The following TRIP12 variants were observed in gnomAD, a reference collection of about 807,000 sequenced individuals.
TRIP12 encodes thyroid hormone receptor interactor 12, also known as E3 ubiquitin-protein ligase TRIP12.
In TRIP12, 25 loss-of-function variants were observed where a neutral mutation model predicts 244.2. That is an observed-to-expected ratio of 0.10 (90% confidence interval 0.07 to 0.14). The LOEUF is 0.14. Ranked by LOEUF, TRIP12 falls within the 10% of genes least tolerant of loss-of-function variation. The pLI is 1.00. For synonymous variants in TRIP12, 905 were observed against 873.1 expected (o/e 1.04, Z -0.64); for missense variants, 1,677 against 2,486.4 (o/e 0.67, Z 6.92).
At chr2:229,887,191 G>A (rs2066208068) in intron 1 of TRIP12, among the ~76,000 whole-genome samples, 1 of 152,176 alleles carries the variant, frequency 6.6e-6, no homozygotes, top group Non-Finnish European at 1.5e-5. Context: ...AGCTTAGCTG[G>A]CCAATCATTA....
At chr2:229,828,899 T>G (rs1394622745) in intron 8 of TRIP12, among the ~76,000 whole-genome samples, 1 of 152,230 alleles carries the variant, frequency 6.6e-6, no homozygotes, top group Non-Finnish European at 1.5e-5. Flanking sequence ...TACATCATTA[T>G]GACAAACTCA....
intron 1 of TRIP12, among the ~76,000 whole-genome samples, chr2:229,896,968 C>T (rs1465784485): frequency 1.3e-5 from 2 of 152,162 alleles, no homozygotes; most frequent in Admixed American, 1.3e-4. Flanking sequence ...AAACTAGGGA[C>T]TCTGGGTAAT....
chr2:229,885,765 A>C (rs747219469), intron 1 of TRIP12, among the ~76,000 whole-genome samples: 6 of 152,142 alleles, frequency 3.9e-5, no homozygotes, highest in Non-Finnish European at 8.8e-5. Context: ...GTGCCGAGAA[A>C]CAATGACAAG....
rs996110434 is a variant in TRIP12, at chr2:229,764,565, A to C, written c.*2989T>G. 1 of 152,230 alleles carries C rather than the reference A, an allele frequency of 6.6e-6. No homozygotes were observed. The highest frequency in any genetic ancestry group is 2.4e-5 in the African/African-American group (1 of 41,464). The allele number at this position is 152,230 out of a possible 1,614,324, so 9.4% of individuals were successfully genotyped here. A position where few individuals can be genotyped will look rare whatever the true frequency, so the allele number is the denominator to read the frequency against. The stretch of plus-strand genomic sequence containing the variant: ...TCATTTCCTGAGCTCACGCTCACAG[A>C]CAGGAGTCGAGAGTACAGCTGCAGC... On this transcript the variant is annotated 3_prime_UTR_variant, in exon 42 of 42. Transcript: ENST00000675903.
intron 2 of TRIP12, among the ~76,000 whole-genome samples, chr2:229,863,677 T>C (rs1009357635): frequency 1.3e-4 from 20 of 152,278 alleles, no homozygotes; most frequent in African/African-American, 4.1e-4. Context: ...CACTTATAAA[T>C]TATTAATGCT....
Position 229,807,738 on chromosome 2 carries a change from T to C in TRIP12, c.2466A>G (p.Pro822=). Residue 822 remains proline (P), a synonymous_variant, in exon 17 of 42, where the codon CCA becomes CCG. Coordinates refer to ENST00000675903, the MANE Select transcript of TRIP12 (RefSeq NM_001348323.3). The part of the protein sequence containing the change: ...QWRDDRGLWH[P]YNRIDSRIIE... ...TGATCCGGCTGTCAATCCTGTTATA[T>C]GGATGCCAGAGGCCCCGATCATCAC... 6.2e-7 allele frequency: 1 copy of C among 1,614,200 alleles called. No individual in the cohort carries two copies. Among genetic ancestry groups the C allele is most frequent in the East Asian group, 2.2e-5 (1 of 44,876 alleles).
chr2:229,834,543 T>C (rs1245574132), intron 6 of TRIP12, among the ~76,000 whole-genome samples: 1 of 152,126 alleles, frequency 6.6e-6, no homozygotes. Context: ...GCAGATCACT[T>C]GAGGTCAGGA....
At chr2:229,864,627 G>A (rs1006637914) in intron 2 of TRIP12, among the ~76,000 whole-genome samples, 3 of 151,098 alleles carry the variant, frequency 2.0e-5, no homozygotes, top group Non-Finnish European at 4.4e-5. Context: ...TTAATTGAAA[G>A]GTCTTTCCCC....
At chr2:229,869,368 A>T (rs949504058) in intron 2 of TRIP12, among the ~76,000 whole-genome samples, 3 of 152,214 alleles carry the variant, frequency 2.0e-5, no homozygotes, top group Non-Finnish European at 4.4e-5. Flanking sequence ...CAATACACGC[A>T]ACTTCGAAAT....
chr2:229,777,459 T>TAAGC lies in TRIP12; in HGVS notation c.5381_5384dup (p.Pro1796LeufsTer5). 6.2e-7 allele frequency: 1 copy of TAAGC among 1,613,814 alleles called. No individual in the cohort carries two copies. The highest frequency in any genetic ancestry group is 8.5e-7 in the Non-Finnish European group (1 of 1,179,778). On this transcript the variant is annotated frameshift_variant, in exon 37 of 42. Coordinates refer to ENST00000675903, the MANE Select transcript of TRIP12 (RefSeq NM_001348323.3). LOFTEE classifies it high-confidence loss of function. ...GCCGTAGCATCCATTTATAAAAGGG[T>TAAGC]AAGCCAAGGGGAAGGTCCACCTGAA...
At chr2:229,888,464 T>C (rs2066526373) in intron 1 of TRIP12, among the ~76,000 whole-genome samples, 1 of 151,640 alleles carries the variant, frequency 6.6e-6, no homozygotes, top group African/African-American at 2.4e-5. Context: ...AAAAAAAGAA[T>C]CCAGTCAAGG....
intron 1 of TRIP12, among the ~76,000 whole-genome samples, chr2:229,908,104 T>C (rs2073354086): frequency 1.3e-5 from 2 of 152,160 alleles, no homozygotes; most frequent in Admixed American, 6.5e-5. Flanking sequence ...CAGCAGACTG[T>C]GCTAAGCTAT....
At chr2:229,815,376 C>A in intron 9 of TRIP12, 68 bp from the exon 10 acceptor site, 1 of 925,294 alleles carries the variant, frequency 1.1e-6, no homozygotes, top group South Asian at 1.7e-5. Context: ...ATTTCTTCCT[C>A]TTCTATTTGA....
intron 15 of TRIP12, 104 bp from the exon 16 acceptor site, chr2:229,808,473 C>T: frequency 1.3e-6 from 1 of 756,928 alleles, no homozygotes; most frequent in Non-Finnish European, 2.2e-6. Flanking sequence ...GAATCATTTT[C>T]TTACAAAGCA....
At chr2:229,819,218 G>A (rs2049333186) in intron 8 of TRIP12, among the ~76,000 whole-genome samples, 1 of 152,206 alleles carries the variant, frequency 6.6e-6, no homozygotes, top group African/African-American at 2.4e-5. Context: ...AGAGAAGTAC[G>A]TTGTCATTAA....
intron 17 of TRIP12, chr2:229,807,364 T>G: frequency 3.7e-6 from 1 of 273,394 alleles, no homozygotes; most frequent in Non-Finnish European, 7.1e-6. Flanking sequence ...ATGTAAATCT[T>G]TGCTCATGGG....
intron 28 of TRIP12, 37 bp downstream of exon 28, chr2:229,792,116 A>G (rs372616867): frequency 1.9e-5 from 30 of 1,613,950 alleles, no homozygotes; most frequent in Non-Finnish European, 2.5e-5. Context: ...TGAACTTTAT[A>G]TAGTACATTA....
At chr2:229,818,270 AAATT>A (rs1375478596) in intron 9 of TRIP12, 90 bp downstream of exon 9, 24 of 1,346,546 alleles carry the variant, frequency 1.8e-5, no homozygotes, top group Non-Finnish European at 2.3e-5. Context: ...CATGTTTTAA[AAATT>A]AATAATGACA....
chr2:229,909,589 C>A (rs1577074380), intron 1 of TRIP12, among the ~76,000 whole-genome samples: 1 of 150,988 alleles, frequency 6.6e-6, no homozygotes, highest in Non-Finnish European at 1.5e-5. Context: ...TACAGTGGCT[C>A]ATGCCTATAA....
Sources: allele counts gnomAD v4.1 joint callset (sites outside exome capture counted in the v4.1 genomes callset), GRCh38; gene constraint gnomAD v4.1.1; transcripts MANE v1.5; gene names NCBI Gene and HGNC (gene_info 2026-07-23, HGNC 2026-07-21).